The following DACH2 variants were observed in gnomAD, a reference collection of about 807,000 sequenced individuals.
DACH2 encodes dachshund family transcription factor 2.
A neutral mutation model predicts 35.8 loss-of-function variants in DACH2; 17 were observed. That is an observed-to-expected ratio of 0.48 (90% confidence interval 0.33 to 0.71). The LOEUF is 0.71. DACH2 is among the 30% of genes least tolerant of loss of function. The pLI is 0.02. For synonymous variants in DACH2, 195 were observed against 177.3 expected, an observed-to-expected ratio of 1.10 and a Z score of -0.79; for missense variants, 469 against 472.7, an observed-to-expected ratio of 0.99 and a Z score of 0.07.
intron 7 of DACH2, among the ~76,000 whole-genome samples, chrX:86,791,232 T>C (rs1184696226): frequency 6.3e-5 from 7 of 110,843 alleles, no homozygotes. Context: ...TAGTATGTTG[T>C]TACTAAGGAC....
intron 4 of DACH2, among the ~76,000 whole-genome samples, chrX:86,673,782 G>A (rs910192237): frequency 2.7e-5 from 3 of 111,247 alleles, no homozygotes; most frequent in Non-Finnish European, 5.7e-5. Flanking sequence ...CCTGTTGGGC[G>A]GATTTCTTCC....
chrX:86,175,908 G>A (rs971923494), intron 1 of DACH2, among the ~76,000 whole-genome samples: 1 of 111,176 alleles, frequency 9.0e-6, no homozygotes, highest in African/African-American at 3.3e-5. Flanking sequence ...ATCTGGGTAA[G>A]TATTAGAGTA....
chrX:86,628,238 A>G (rs1290338718), intron 3 of DACH2, among the ~76,000 whole-genome samples: 1 of 112,334 alleles, frequency 8.9e-6, no homozygotes, highest in Non-Finnish European at 1.9e-5. Context: ...GACATTTTTA[A>G]CATATAAAAT....
intron 1 of DACH2, among the ~76,000 whole-genome samples, chrX:86,282,600 A>T (rs1351831216): frequency 1.8e-5 from 2 of 111,478 alleles, no homozygotes; most frequent in Non-Finnish European, 1.9e-5. Context: ...CATGATTAAA[A>T]CACCAAAAGC....
chrX:86,637,774 T>C (rs1471590227), intron 3 of DACH2, among the ~76,000 whole-genome samples: 4 of 111,048 alleles, frequency 3.6e-5, no homozygotes, highest in Non-Finnish European at 5.7e-5. Context: ...AACTAATGGG[T>C]ACTAGGCATA....
At chrX:86,541,931 G>T (rs892672744) in intron 3 of DACH2, among the ~76,000 whole-genome samples, 5 of 111,712 alleles carry the variant, frequency 4.5e-5, no homozygotes, top group Non-Finnish European at 5.6e-5. Context: ...TTAAAAAAGA[G>T]AAATTTTTTG....
intron 1 of DACH2, among the ~76,000 whole-genome samples, chrX:86,181,643 C>T (rs2031499204): frequency 9.0e-6 from 1 of 111,469 alleles, no homozygotes; most frequent in Admixed American, 9.5e-5. Flanking sequence ...CCGCAATAAA[C>T]ATACGTGTGC....
intron 4 of DACH2, among the ~76,000 whole-genome samples, chrX:86,659,237 TG>T (rs1284563519): frequency 1.8e-5 from 2 of 111,016 alleles, no homozygotes; most frequent in Non-Finnish European, 3.8e-5. Context: ...ATCTTTCTTC[TG>T]TGCTTATGAC....
At chrX:86,598,980 T>G (rs1247827647) in intron 3 of DACH2, among the ~76,000 whole-genome samples, 1 of 108,821 alleles carries the variant, frequency 9.2e-6, no homozygotes, top group Non-Finnish European at 1.9e-5. Context: ...CAGGCCCCAG[T>G]GTGTGATGTT....
chrX:86,342,518 T>A (rs188776387), intron 1 of DACH2, among the ~76,000 whole-genome samples: 264 of 108,031 alleles, frequency 2.4e-3, no homozygotes, highest in East Asian at 5.0e-3. Context: ...AAAATAAAAC[T>A]AAATTGGGCC....
intron 3 of DACH2, among the ~76,000 whole-genome samples, chrX:86,588,998 TTGTCATAGA>T (rs1489141444): frequency 2.7e-5 from 3 of 111,759 alleles, no homozygotes; most frequent in African/African-American, 9.7e-5. Flanking sequence ...GGCTGTGGAT[TTGTCATAGA>T]TGCTTTTTAT....
At chrX:86,470,411 G>T (rs960790179) in intron 2 of DACH2, among the ~76,000 whole-genome samples, 1 of 111,600 alleles carries the variant, frequency 9.0e-6, no homozygotes, top group East Asian at 2.8e-4. Context: ...AAGTTGAATA[G>T]CTAGTCATGT....
intron 3 of DACH2, among the ~76,000 whole-genome samples, chrX:86,622,944 G>A (rs1391230906): frequency 9.0e-6 from 1 of 111,711 alleles, no homozygotes; most frequent in African/African-American, 3.2e-5. Flanking sequence ...ATGTTTGTGA[G>A]TACTATTAAC....
intron 1 of DACH2, chrX:86,184,315 C>A: frequency 6.5e-6 from 1 of 154,380 alleles, no homozygotes; most frequent in Non-Finnish European, 1.3e-5. Context: ...TCAAGGGATT[C>A]TTGTGCCTCA....
Position 86,371,427 on chromosome X carries a change from A to C in DACH2, c.489-5397A>C, listed in dbSNP as rs750838729. On this transcript the variant is annotated intron_variant, in intron 1 of 11. Coordinates refer to ENST00000373125, the MANE Select transcript of DACH2 (RefSeq NM_053281.3). Reference sequence around the variant, plus strand: ...ATTCCCAAATAATTACAGAAAAAAAATTCTGAGAGGAAGCAAATGGTCAGT... The same window carrying C: ...ATTCCCAAATAATTACAGAAAAAAACTTCTGAGAGGAAGCAAATGGTCAGT... Among the ~76,000 whole-genome samples the C allele has an allele frequency of 2.9e-3, 326 of 111,032 alleles. 1 individual carries two copies. Among genetic ancestry groups the C allele is most frequent in the African/African-American group, 0.01 (310 of 30,713 alleles).
intron 7 of DACH2, among the ~76,000 whole-genome samples, chrX:86,808,190 T>A (rs1280467403): frequency 8.9e-6 from 1 of 112,263 alleles, no homozygotes; most frequent in Non-Finnish European, 1.9e-5. Flanking sequence ...GGTGTCATAC[T>A]TCTTCCAAAC....
At chrX:86,190,734 C>T (rs1326635467) in intron 1 of DACH2, among the ~76,000 whole-genome samples, 3 of 111,399 alleles carry the variant, frequency 2.7e-5, no homozygotes, top group Non-Finnish European at 3.8e-5. Flanking sequence ...CACCTGAGGT[C>T]GGGAGTTCAA....
intron 11 of DACH2, among the ~76,000 whole-genome samples, chrX:86,821,888 A>G (rs1451486280): frequency 8.9e-6 from 1 of 112,022 alleles, no homozygotes; most frequent in Non-Finnish European, 1.9e-5. Context: ...CTTGCCAGCC[A>G]TGATAAGTTG....
At chrX:86,396,062 T>C (rs1286009805) in intron 2 of DACH2, among the ~76,000 whole-genome samples, 1 of 111,633 alleles carries the variant, frequency 9.0e-6, no homozygotes, top group East Asian at 2.8e-4. Context: ...GTTTCCTGAC[T>C]TTTTAATGAT....
Sources: allele counts gnomAD v4.1 joint callset (sites outside exome capture counted in the v4.1 genomes callset), GRCh38; gene constraint gnomAD v4.1.1; transcripts MANE v1.5; gene names NCBI Gene and HGNC (gene_info 2026-07-23, HGNC 2026-07-21).